The following PCDH15 variants were observed in gnomAD, a reference collection of about 807,000 sequenced individuals.
PCDH15 encodes protocadherin related 15.
Under a neutral mutation model 178.5 loss-of-function variants are expected in PCDH15, and 129 were observed. The observed-to-expected ratio is 0.72, with a 90% CI of 0.63 to 0.84. The LOEUF (loss-of-function observed/expected upper bound fraction) is 0.84, where lower values mean the gene tolerates loss of function less well. Among genes scored for constraint, PCDH15 ranks in the 40% least tolerant of loss-of-function variants. The pLI is 0.00. For missense variants in PCDH15, 2,230 were observed against 2,099.9 expected (o/e 1.06, Z -1.21); for synonymous variants, 800 against 732.0 (o/e 1.09, Z -1.50).
chr10:54,192,154 A>AAGAAAAAGAAAGAAAGAAAG (rs1554832302), intron 11 of PCDH15, among the ~76,000 whole-genome samples: 1 of 132,566 alleles, frequency 7.5e-6, no homozygotes, highest in East Asian at 2.1e-4. Context: ...GAAAGAAAGA[A>AAGAAAAAGAAAGAAAGAAAG]AAAGAAAGAA....
chr10:55,167,254 C>A (rs948300827), intron 1 of PCDH15, among the ~76,000 whole-genome samples: 1 of 152,036 alleles, frequency 6.6e-6, no homozygotes, highest in African/African-American at 2.4e-5. Flanking sequence ...GCTGGAACTA[C>A]AGATATGTGC....
intron 2 of PCDH15, among the ~76,000 whole-genome samples, chr10:55,365,090 T>C (rs1845323329): frequency 6.6e-6 from 1 of 152,124 alleles, no homozygotes; most frequent in Non-Finnish European, 1.5e-5. Flanking sequence ...AATTTCAACA[T>C]TTTTTTCTTC....
intron 3 of PCDH15, among the ~76,000 whole-genome samples, chr10:54,853,336 CAT>C (rs35481515): frequency 4.0e-5 from 5 of 126,476 alleles, no homozygotes; most frequent in Admixed American, 7.9e-5. Flanking sequence ...CACACATATA[CAT>C]ATATATACAT....
At position 55,439,023 on chromosome 10, in the gene PCDH15, C is replaced by A. The variant is rs116042072; in HGVS notation, c.-156+188602G>T. On this transcript the variant is annotated intron_variant, in intron 2 of 5. Coordinates refer to the PCDH15 transcript ENST00000613346. ...ACATCATTCTCCCACCTCTGCCTCCCGAGTAACTAGGACTACAGGCGCCCA... is the reference window on the plus strand; with the variant it reads ...ACATCATTCTCCCACCTCTGCCTCCAGAGTAACTAGGACTACAGGCGCCCA... 4.7e-3 allele frequency among the ~76,000 whole-genome samples: 709 copies of A among 152,030 alleles called. 7 individuals carry two copies. The highest frequency in any genetic ancestry group is 0.016 in the African/African-American group (676 of 41,470).
intron 2 of PCDH15, among the ~76,000 whole-genome samples, chr10:55,374,415 T>C (rs1283137720): frequency 1.3e-5 from 2 of 152,222 alleles, no homozygotes; most frequent in Admixed American, 6.5e-5. Context: ...ATTCCAGTGC[T>C]TGACTGAATT....
At chr10:54,018,126 T>C (rs1238227091) in intron 20 of PCDH15, among the ~76,000 whole-genome samples, 2 of 152,116 alleles carry the variant, frequency 1.3e-5, no homozygotes, top group Non-Finnish European at 2.9e-5. Context: ...CCCTATAATA[T>C]GAGAATTGTA....
At chr10:54,745,373 G>GGA (rs201923747) in intron 1 of PCDH15, among the ~76,000 whole-genome samples, 2 of 150,848 alleles carry the variant, frequency 1.3e-5, no homozygotes, top group South Asian at 2.1e-4. Context: ...TATACACACA[G>GGA]AAAAAAAAAC....
At chr10:54,092,249 C>A (rs1396733878) in intron 15 of PCDH15, among the ~76,000 whole-genome samples, 1 of 152,116 alleles carries the variant, frequency 6.6e-6, no homozygotes, top group Non-Finnish European at 1.5e-5. Context: ...TCTGCTGTAT[C>A]TGGCTGTGTC....
chr10:53,904,246 G>A (rs2082519495), intron 25 of PCDH15, among the ~76,000 whole-genome samples: 1 of 152,008 alleles, frequency 6.6e-6, no homozygotes, highest in Non-Finnish European at 1.5e-5. Flanking sequence ...TACATAAGTC[G>A]ACTTTTCTGA....
At chr10:55,129,115 G>T (rs1386700503) in intron 2 of PCDH15, among the ~76,000 whole-genome samples, 1 of 152,000 alleles carries the variant, frequency 6.6e-6, no homozygotes, top group Non-Finnish European at 1.5e-5. Context: ...TTAATCTTTT[G>T]TCAGTGGACA....
At chr10:54,711,615 A>G (rs17500978) in intron 1 of PCDH15, among the ~76,000 whole-genome samples, 15,528 of 151,946 alleles carry the variant, frequency 0.1, 1,028 homozygotes, top group Middle Eastern at 0.17. Context: ...ATTAAAAATA[A>G]TCACCTTTAT....
At chr10:53,839,014 C>G (rs1180529079) in intron 29 of PCDH15, among the ~76,000 whole-genome samples, 1 of 152,014 alleles carries the variant, frequency 6.6e-6, no homozygotes, top group South Asian at 2.1e-4. Flanking sequence ...ACCATCCTGG[C>G]TAACATGGTA....
intron 2 of PCDH15, among the ~76,000 whole-genome samples, chr10:55,514,930 G>T (rs1001171998): frequency 6.6e-6 from 1 of 151,554 alleles, no homozygotes; most frequent in Non-Finnish European, 1.5e-5. Context: ...GCAGGAGAAG[G>T]TCAGAGAAAA....
At chr10:55,103,220 C>A (rs915967203) in intron 2 of PCDH15, among the ~76,000 whole-genome samples, 10 of 151,360 alleles carry the variant, frequency 6.6e-5, no homozygotes, top group African/African-American at 1.9e-4. Flanking sequence ...ACATCCATGT[C>A]ATAAAAGGAG....
At chr10:55,330,365 A>C (rs1003762778) in intron 2 of PCDH15, among the ~76,000 whole-genome samples, 2 of 151,844 alleles carry the variant, frequency 1.3e-5, no homozygotes, top group African/African-American at 4.8e-5. Flanking sequence ...CCACTTTAAC[A>C]GATGTAAAGA....
intron 15 of PCDH15, among the ~76,000 whole-genome samples, chr10:54,121,419 A>C (rs2095217782): frequency 6.6e-6 from 1 of 152,150 alleles, no homozygotes; most frequent in African/African-American, 2.4e-5. Context: ...CAAAGCTAGA[A>C]GGAAAATAAG....
chr10:54,567,513 T>C (rs1225266229), intron 2 of PCDH15, among the ~76,000 whole-genome samples: 1 of 152,166 alleles, frequency 6.6e-6, no homozygotes. Context: ...TTTTAGCTCT[T>C]CCAAACCATT....
chr10:54,932,380 G>T (rs910379393), intron 2 of PCDH15, among the ~76,000 whole-genome samples: 3 of 152,114 alleles, frequency 2.0e-5, no homozygotes, highest in East Asian at 1.9e-4. Context: ...TATAAAGAAA[G>T]AACATATTTT....
intron 2 of PCDH15, among the ~76,000 whole-genome samples, chr10:55,369,226 C>G (rs1158477777): frequency 6.6e-6 from 1 of 151,904 alleles, no homozygotes; most frequent in Non-Finnish European, 1.5e-5. Context: ...GGAAATCCAG[C>G]ATTTCAGCTA....
Sources: allele counts gnomAD v4.1 joint callset (sites outside exome capture counted in the v4.1 genomes callset), GRCh38; gene constraint gnomAD v4.1.1; transcripts MANE v1.5; gene names NCBI Gene and HGNC (gene_info 2026-07-23, HGNC 2026-07-21).